Variants in ZNF836 observed in about 807,000 individuals in gnomAD.
The protein encoded by ZNF836 is zinc finger protein 836.
In ZNF836, 12 loss-of-function variants were observed where a neutral mutation model predicts 7.4. The observed-to-expected ratio is 1.61, with a 90% confidence interval of 1.03 to 2.61. The LOEUF is 2.61. Ranked by LOEUF, ZNF836 falls within the 30% of genes most tolerant of loss-of-function variation. ZNF836 has a pLI of 0.00. For missense variants in ZNF836, 998 were observed against 1,126.2 expected, an observed-to-expected ratio of 0.89 and a Z score of 1.63; for synonymous variants, 365 against 382.6, an observed-to-expected ratio of 0.95 and a Z score of 0.54.
chr19:52,167,421 G>A (rs552012710), intron 3 of ZNF836, among the ~76,000 whole-genome samples: 14 of 123,400 alleles, frequency 1.1e-4, no homozygotes, highest in South Asian at 2.5e-4. Flanking sequence ...GCAGTGAGCC[G>A]AGATCACACC....
chr19:52,155,672 A>C lies in ZNF836; in HGVS notation c.2011T>G (p.Cys671Gly). 1.9e-6 allele frequency: 3 copies of C among 1,614,182 alleles called. No individual in the cohort carries two copies. The highest frequency in any genetic ancestry group is 2.5e-6 in the Non-Finnish European group (3 of 1,180,024). ...GAACGCTGAGTATAGGCTTTGCCAC[A>C]ATCATTACATTTGTAAGGTTTCTCT... is the stretch of plus-strand genomic sequence containing the variant. ...TGEKPYKCND[C>G]GKAYTQRSSL... Residue 671 changes from cysteine to glycine, a missense_variant, in exon 5 of 5, where the codon TGT becomes GGT. Physicochemically the swap from Cys to Gly is radical, Grantham distance 159. Coordinates refer to ENST00000682614, the MANE Select transcript of ZNF836 (RefSeq NM_001102657.3).
chr19:52,163,305 T>A (rs1600141907), intron 3 of ZNF836, among the ~76,000 whole-genome samples: 1 of 152,204 alleles, frequency 6.6e-6, no homozygotes, highest in South Asian at 2.1e-4. Flanking sequence ...ATTCTTTACA[T>A]GGCCAGGCTG....
intron 3 of ZNF836, among the ~76,000 whole-genome samples, chr19:52,165,022 G>A (rs781305686): frequency 5.9e-5 from 9 of 152,046 alleles, no homozygotes; most frequent in Non-Finnish European, 8.8e-5. Flanking sequence ...CCTGGGAGGC[G>A]GAGGTTGCAG....
At position 52,156,211 on chromosome 19, in the gene ZNF836, AT is replaced by A; in HGVS notation, c.1471del (p.Ile491PhefsTer28). 6.2e-7 allele frequency: 1 copy of A among 1,614,172 alleles called. No individual in the cohort carries two copies. Among genetic ancestry groups the A allele is most frequent in the South Asian group, 1.1e-5 (1 of 91,080 alleles). Reference protein sequence around the residue: ...QTSHLVGHRRIHTGEKPYKCD... With the variant: ...QTSHLVGHRRXHTGEKPYKCD... ...TTTGTAAGGTTTCTCTCCAGTATGA[AT>A]TCTCCGATGCCCCACAAGATGTGAA... is the stretch of plus-strand genomic sequence containing the variant. On this transcript the variant is annotated frameshift_variant, in exon 5 of 5. Coordinates refer to ENST00000682614, the MANE Select transcript of ZNF836 (RefSeq NM_001102657.3). LOFTEE classifies it low-confidence loss of function (END_TRUNC).
chr19:52,158,369 A>G (rs1306619341), intron 4 of ZNF836, among the ~76,000 whole-genome samples: 1 of 152,164 alleles, frequency 6.6e-6, no homozygotes, highest in Non-Finnish European at 1.5e-5. Flanking sequence ...GTACTGGGAA[A>G]ATGAGAAAGA....
intron 3 of ZNF836, among the ~76,000 whole-genome samples, chr19:52,165,660 G>A: frequency 6.6e-6 from 1 of 152,294 alleles, no homozygotes; most frequent in Admixed American, 6.5e-5. Flanking sequence ...TTGAAAGAGT[G>A]ATCGCTTCCT....
chr19:52,157,582 T>C (rs543895405), intron 4 of ZNF836, 42 bp from the exon 5 acceptor site: 14 of 1,444,078 alleles, frequency 9.7e-6, no homozygotes, highest in Non-Finnish European at 1.3e-5. Context: ...CGTTGGTTTT[T>C]TTTTTTGAGA....
chr19:52,165,312 C>T (rs1005137190), intron 3 of ZNF836: 3 of 152,188 alleles, frequency 2.0e-5, no homozygotes, highest in Non-Finnish European at 4.4e-5. Flanking sequence ...AGATAGCATG[C>T]ATACAGGCAG....
At chr19:52,164,606 C>T (rs193039738) in intron 3 of ZNF836, among the ~76,000 whole-genome samples, 1 of 152,022 alleles carries the variant, frequency 6.6e-6, no homozygotes, top group East Asian at 1.9e-4. Context: ...TCAGTGAACT[C>T]AAAGGGGATT....
chr19:52,155,125 T>G lies in ZNF836; in HGVS notation c.2558A>C (p.Gln853Pro). The G allele has an allele frequency of 6.2e-7, 1 of 1,614,116 alleles. No homozygotes were observed. Among genetic ancestry groups the G allele is most frequent in the South Asian group, 1.1e-5 (1 of 91,070 alleles). ...FIERSKLVYHQRNHTGEKPYK... is the reference protein window; with the variant it reads ...FIERSKLVYHPRNHTGEKPYK... ...TGGCTTCTCTCCAGTGTGATTTCTT[T>G]GATGGTACACCAGCTTTGACCTTTC... is the stretch of plus-strand genomic sequence containing the variant. The change falls in exon 5 of 5, where the codon CAA becomes CCA. Residue 853 changes from glutamine (Q) to proline (P), a missense_variant. Coordinates refer to ENST00000682614, the MANE Select transcript of ZNF836 (RefSeq NM_001102657.3).
At position 52,155,184 on chromosome 19, in the gene ZNF836, A is replaced by G. The variant is rs2089140394; in HGVS notation, c.2499T>C (p.Pro833=). The change falls in exon 5 of 5, where the codon CCT becomes CCC. Residue 833 remains proline (P), a synonymous_variant. Transcript: ENST00000682614. ...NHQKMHTGDK[P]YKCNECGKAF... The stretch of plus-strand genomic sequence containing the variant: ...CTTTACCACATTCATTACATTTGTA[A>G]GGTTTGTCCCCAGTATGCATTTTCT... 1 of 1,613,928 alleles carries G rather than the reference A, an allele frequency of 6.2e-7. No individual in the cohort carries two copies. The highest frequency in any genetic ancestry group is 1.3e-5 in the African/African-American group (1 of 74,960).
rs374705573 is a variant in ZNF836 at position 52,157,560 on chromosome 19, T to C, written c.143-20A>G. On this transcript the variant is annotated intron_variant, in intron 4 of 4. Transcript: ENST00000682614. ...GGATACCTACAAAATATAATGAACA[T>C]GGGAGTTTTTTCGTTGGTTTTTTTT... 2.1e-6 allele frequency: 3 copies of C among 1,461,962 alleles called. No homozygotes were observed. The African/African-American group carries it at 4.3e-5, about 21-fold the overall frequency. 90.6% of individuals were successfully genotyped at this position (1,461,962 alleles called of 1,614,324 possible). A position where few individuals can be genotyped will look rare whatever the true frequency, so the allele number is the denominator to read the frequency against.
chr19:52,167,729 C>G (rs1313070972), intron 3 of ZNF836, among the ~76,000 whole-genome samples: 3 of 152,204 alleles, frequency 2.0e-5, no homozygotes, highest in Non-Finnish European at 2.9e-5. Flanking sequence ...TTCTGGTCTA[C>G]AGAGAGCTGA....
In ZNF836 at chr19:52,156,492, T is replaced by G; in HGVS notation, c.1191A>C (p.Gln397His). The change falls in exon 5 of 5, where the codon CAA (glutamine) becomes CAC (histidine). Residue 397 changes from glutamine to histidine, a missense_variant. Physicochemically the swap from Gln to His is conservative, Grantham distance 24 (BLOSUM62 0). Transcript: ENST00000682614. ...KCNICGKSFS[Q>H]SSNLATHQTV... is the part of the protein sequence containing the mutation. ...TCTGATGAGTTGCCAGGTTGGAACT[T>G]TGACTAAAGGACTTTCCACATATGT... The G allele has an allele frequency of 6.2e-7, 1 of 1,614,078 alleles. No individual in the cohort carries two copies.
chr19:52,160,729 T>C (rs959929354), intron 3 of ZNF836, 138 bp from the exon 4 acceptor site: 1 of 1,038,600 alleles, frequency 9.6e-7, no homozygotes, highest in South Asian at 1.8e-5. Context: ...GAGAAGGTTA[T>C]GTGTCCCTAA....
At chr19:52,163,505 T>C (rs1011485274) in intron 3 of ZNF836, among the ~76,000 whole-genome samples, 4 of 152,212 alleles carry the variant, frequency 2.6e-5, no homozygotes, top group African/African-American at 9.6e-5. Flanking sequence ...CCGGGTGCGG[T>C]GGCTCACGCC....
Position 52,155,002 on chromosome 19 carries a change from T to A in ZNF836, c.2681A>T (p.Glu894Val). The A allele has an allele frequency of 6.2e-7, 1 of 1,613,766 alleles. No homozygotes were observed. Among genetic ancestry groups the A allele is most frequent in the South Asian group, 1.1e-5 (1 of 91,018 alleles). ...GCGACTAATGAAAGATTTGCCACACTCATTACATTTATAAGGTTTTTCTCC... is the reference window on the plus strand; with the variant it reads ...GCGACTAATGAAAGATTTGCCACACACATTACATTTATAAGGTTTTTCTCC... ...HSGEKPYKCN[E>V]CGKSFISRSG... Residue 894 changes from glutamate (E) to valine (V), a missense_variant, in exon 5 of 5, where the codon GAG becomes GTG. Transcript: ENST00000682614.
At chr19:52,165,653 A>G (rs1188298310) in intron 3 of ZNF836, among the ~76,000 whole-genome samples, 1 of 152,166 alleles carries the variant, frequency 6.6e-6, no homozygotes, top group Admixed American at 6.5e-5. Flanking sequence ...TGGGCACTTG[A>G]AAGAGTGATC....
In ZNF836 at chr19:52,155,212, T is replaced by A. The variant is rs751640132; in HGVS notation, c.2471A>T (p.His824Leu). ...AFRVRSILVN[H>L]QKMHTGDKPY... ...TTTGTCCCCAGTATGCATTTTCTGA[T>A]GATTAACCAGAATTGAACGCACTCT... Residue 824 changes from histidine (H) to leucine (L), a missense_variant, in exon 5 of 5, where the codon CAT (histidine) becomes CTT (leucine). His to Leu is a moderately conservative substitution (Grantham distance 99). Coordinates refer to ENST00000682614, the MANE Select transcript of ZNF836 (RefSeq NM_001102657.3). 2 of 1,614,248 alleles carry A rather than the reference T, an allele frequency of 1.2e-6. No homozygotes were observed. Among genetic ancestry groups the A allele is most frequent in the South Asian group, 1.1e-5 (1 of 91,090 alleles).
Sources: allele counts gnomAD v4.1 joint callset (sites outside exome capture counted in the v4.1 genomes callset), GRCh38; gene constraint gnomAD v4.1.1; transcripts MANE v1.5; gene names NCBI Gene and HGNC (gene_info 2026-07-23, HGNC 2026-07-21).